The following SUGCT variants were observed in gnomAD, a reference collection of about 807,000 sequenced individuals.
SUGCT encodes the protein succinyl-CoA:glutarate CoA-transferase.
In SUGCT, 41 loss-of-function variants were observed where a neutral mutation model predicts 55.0. That is an observed-to-expected ratio of 0.74 (90% confidence interval 0.58 to 0.97). The LOEUF is 0.97. Among genes scored for constraint, SUGCT ranks in the 50% least tolerant of loss-of-function variants. SUGCT has a pLI of 0.00. For missense variants in SUGCT, 568 were observed against 547.8 expected (o/e 1.04, Z -0.37); for synonymous variants, 187 against 200.4 (o/e 0.93, Z 0.56).
At chr7:40,375,556 G>A (rs1451291749) in intron 9 of SUGCT, among the ~76,000 whole-genome samples, 1 of 152,064 alleles carries the variant, frequency 6.6e-6, no homozygotes, top group East Asian at 1.9e-4. Context: ...ACTGTCAGTG[G>A]AACTGATTCT....
chr7:40,278,441 A>G (rs921884549), intron 8 of SUGCT, among the ~76,000 whole-genome samples: 91 of 152,208 alleles, frequency 6.0e-4, no homozygotes, highest in Admixed American at 1.6e-3. Context: ...TACCCAAAGG[A>G]CTATAAATCA....
intron 9 of SUGCT, among the ~76,000 whole-genome samples, chr7:40,332,804 A>G (rs1442137111): frequency 1.3e-5 from 2 of 152,142 alleles, no homozygotes; most frequent in Non-Finnish European, 2.9e-5. Context: ...AAAAACTGGG[A>G]GAAAGTTGAT....
At chr7:40,543,559 G>A (rs1343564781) in intron 12 of SUGCT, among the ~76,000 whole-genome samples, 1 of 152,150 alleles carries the variant, frequency 6.6e-6, no homozygotes, top group African/African-American at 2.4e-5. Flanking sequence ...CAGGATAAAA[G>A]GTTATATTAT....
chr7:40,591,252 CT>C (rs1230645394), intron 12 of SUGCT, among the ~76,000 whole-genome samples: 1 of 152,204 alleles, frequency 6.6e-6, no homozygotes, highest in Non-Finnish European at 1.5e-5. Flanking sequence ...GCATGGATGA[CT>C]TTGAGGGGCT....
chr7:40,993,556 C>T, the SUGCT span, among the ~76,000 whole-genome samples: 3 of 152,198 alleles, frequency 2.0e-5, no homozygotes, highest in Non-Finnish European at 4.4e-5. Context: ...TCTCACCGCA[C>T]AGGAAGCAGC....
chr7:40,142,015 C>T (rs188759091), intron 1 of SUGCT: 177 of 159,726 alleles, frequency 1.1e-3, no homozygotes, highest in African/African-American at 3.7e-3. Flanking sequence ...AAGAGAGTGA[C>T]GGGGTGAGTG....
chr7:40,839,527 A>G (rs1793166858), intron 13 of SUGCT, among the ~76,000 whole-genome samples: 2 of 152,238 alleles, frequency 1.3e-5, no homozygotes, highest in Non-Finnish European at 2.9e-5. Context: ...CAGTGAAACC[A>G]TAGAAACCTA....
chr7:40,142,194 G>C (rs1487879226), intron 1 of SUGCT, among the ~76,000 whole-genome samples: 1 of 152,094 alleles, frequency 6.6e-6, no homozygotes. Flanking sequence ...AATGAGTCAG[G>C]GTGGAGCAGG....
chr7:40,225,952 C>T (rs1562591730), intron 6 of SUGCT, among the ~76,000 whole-genome samples: 1 of 152,050 alleles, frequency 6.6e-6, no homozygotes, highest in Non-Finnish European at 1.5e-5. Context: ...AATGAGATGA[C>T]ACATATGAAG....
chr7:40,657,854 C>T (rs1358798905), intron 12 of SUGCT, among the ~76,000 whole-genome samples: 1 of 152,166 alleles, frequency 6.6e-6, no homozygotes, highest in Non-Finnish European at 1.5e-5. Flanking sequence ...TTTTATAATC[C>T]CCATTTTCTA....
At chr7:41,028,449 C>G in the SUGCT span, among the ~76,000 whole-genome samples, 74 of 152,264 alleles carry the variant, frequency 4.9e-4, no homozygotes, top group African/African-American at 1.7e-3. Flanking sequence ...GGGATCCATT[C>G]TGAGAAATGC....
chr7:40,266,799 G>C (rs1279799425), intron 7 of SUGCT, among the ~76,000 whole-genome samples: 3 of 151,990 alleles, frequency 2.0e-5, no homozygotes, highest in Non-Finnish European at 4.4e-5. Flanking sequence ...GGCACATCAC[G>C]AGGTCAGGAG....
chr7:40,934,243 G>GT, the SUGCT span, among the ~76,000 whole-genome samples: 10 of 152,296 alleles, frequency 6.6e-5, 1 homozygote, highest in Middle Eastern at 0.01. Context: ...TGCAGACCCT[G>GT]TTTTCCTGGG....
At chr7:40,785,488 A>G (rs1377549237) in intron 13 of SUGCT, among the ~76,000 whole-genome samples, 1 of 152,222 alleles carries the variant, frequency 6.6e-6, no homozygotes, top group Non-Finnish European at 1.5e-5. Flanking sequence ...AGGTAAATCC[A>G]GGAAAAGCCT....
chr7:40,880,657 G>GCA, the SUGCT span, among the ~76,000 whole-genome samples: 1 of 152,012 alleles, frequency 6.6e-6, no homozygotes, highest in African/African-American at 2.4e-5. Flanking sequence ...AATTTCATTG[G>GCA]AAAAAAGACT....
intron 9 of SUGCT, among the ~76,000 whole-genome samples, chr7:40,409,300 G>T (rs1469823662): frequency 2.7e-5 from 4 of 150,684 alleles, no homozygotes; most frequent in Non-Finnish European, 4.4e-5. Context: ...GTCTTGCTCT[G>T]TTGCCCGGGC....
the SUGCT span, among the ~76,000 whole-genome samples, chr7:41,001,293 G>A: frequency 5.3e-5 from 8 of 152,076 alleles, no homozygotes; most frequent in African/African-American, 9.7e-5. Context: ...GAGAAGGAGT[G>A]TCACACAAAG....
the SUGCT span, among the ~76,000 whole-genome samples, chr7:40,996,451 TGTTCTTA>T: frequency 6.6e-6 from 1 of 152,176 alleles, no homozygotes; most frequent in Admixed American, 6.5e-5. Flanking sequence ...GTTGAGAGCC[TGTTCTTA>T]GTTCTTTTTA....
intron 9 of SUGCT, among the ~76,000 whole-genome samples, chr7:40,377,194 CTTTCTTTTCTTTTCTTTT>C (rs1784617895): frequency 2.6e-4 from 2 of 7,580 alleles, no homozygotes; most frequent in Non-Finnish European, 2.9e-3. Flanking sequence ...TTCTTTCTTT[CTTTCTTTTCTTTTCTTTT>C]CTTTCTTTTC....
Sources: gnomAD v4.1 joint callset for allele counts (sites outside exome capture counted in the v4.1 genomes callset) on GRCh38, gnomAD v4.1.1 for gene constraint, MANE v1.5 for transcripts, NCBI Gene and HGNC (gene_info 2026-07-23, HGNC 2026-07-21) for gene names.